PLPPR1: variants seen among roughly 807,000 people sequenced by gnomAD.
PLPPR1 encodes phospholipid phosphatase-related protein type 1.
PLPPR1 carries 10 observed loss-of-function variants against 33.1 expected under a neutral mutation model. That is an observed-to-expected ratio of 0.30 (90% CI 0.19 to 0.51). The LOEUF (loss-of-function observed/expected upper bound fraction) is 0.51, where lower values mean the gene tolerates loss of function less well. Ranked by LOEUF, PLPPR1 falls within the 20% of genes least tolerant of loss-of-function variation. PLPPR1 has a pLI of 0.97. For missense variants in PLPPR1, 304 were observed against 408.1 expected, an observed-to-expected ratio of 0.74 and a Z score of 2.20; for synonymous variants, 151 against 151.0, an observed-to-expected ratio of 1.00 and a Z score of 0.00.
intron 1 of PLPPR1, among the ~76,000 whole-genome samples, chr9:101,147,090 A>AT (rs889770444): frequency 9.8e-5 from 15 of 152,288 alleles, no homozygotes; most frequent in African/African-American, 3.4e-4. Flanking sequence ...TAACTTCCCT[A>AT]CAAAAGAGGT....
In PLPPR1 at chr9:101,317,033, A is replaced by C. The variant is rs376519424; in HGVS notation, c.814-332A>C. On this transcript the variant is annotated intron_variant, in intron 6 of 7. Coordinates refer to ENST00000374874, the MANE Select transcript of PLPPR1 (RefSeq NM_207299.2). ...GATAAAATCCTCAGGGTCGTGCCAG[A>C]CACATAGTGGCCCTCAATAAATTTT... 2.2e-4 allele frequency among the ~76,000 whole-genome samples: 33 copies of C among 152,292 alleles called. No individual in the cohort carries two copies. The South Asian group carries it at 2.3e-3, about 11-fold the overall frequency.
At chr9:101,238,121 GTA>G (rs1026861075) in intron 2 of PLPPR1, among the ~76,000 whole-genome samples, 2 of 134,510 alleles carry the variant, frequency 1.5e-5, no homozygotes, top group Admixed American at 1.5e-4. Flanking sequence ...ATACGTGTGT[GTA>G]TATATATACA....
chr9:101,097,511 G>A (rs1830834297), intron 1 of PLPPR1, among the ~76,000 whole-genome samples: 1 of 152,212 alleles, frequency 6.6e-6, no homozygotes, highest in South Asian at 2.1e-4. Flanking sequence ...GAACAAGCAT[G>A]TTTAAAATCT....
intron 1 of PLPPR1, among the ~76,000 whole-genome samples, chr9:101,171,059 G>C (rs1008077315): frequency 6.6e-6 from 1 of 152,176 alleles, no homozygotes; most frequent in Admixed American, 6.6e-5. Flanking sequence ...CCCCAAGACA[G>C]CAATGACTGT....
intron 2 of PLPPR1, among the ~76,000 whole-genome samples, chr9:101,268,256 T>TA (rs925412255): frequency 4.5e-5 from 6 of 132,636 alleles, no homozygotes; most frequent in East Asian, 2.1e-4. Context: ...AAAATATACA[T>TA]AAAAAAAATA....
intron 4 of PLPPR1, among the ~76,000 whole-genome samples, chr9:101,292,442 G>A (rs1225987286): frequency 1.3e-5 from 2 of 152,134 alleles, no homozygotes; most frequent in East Asian, 3.9e-4. Context: ...TACAGAGAAT[G>A]CCACAAACAT....
chr9:101,291,943 A>C (rs1828517248), intron 4 of PLPPR1, among the ~76,000 whole-genome samples: 1 of 152,226 alleles, frequency 6.6e-6, no homozygotes, highest in Admixed American at 6.5e-5. Context: ...TGGATGGAGA[A>C]TGACTTTGAC....
At chr9:101,031,067 C>G (rs1206802656) in intron 1 of PLPPR1, among the ~76,000 whole-genome samples, 3 of 151,898 alleles carry the variant, frequency 2.0e-5, no homozygotes, top group Admixed American at 2.0e-4. Flanking sequence ...TTTCAAATAA[C>G]TAGGGAAGTA....
chr9:101,149,401 T>G (rs2118646931), intron 1 of PLPPR1, among the ~76,000 whole-genome samples: 1 of 152,282 alleles, frequency 6.6e-6, no homozygotes, highest in South Asian at 2.1e-4. Flanking sequence ...CTATGAGGAC[T>G]CCAGAACTCT....
intron 1 of PLPPR1, among the ~76,000 whole-genome samples, chr9:101,126,811 A>G (rs906446041): frequency 3.9e-5 from 6 of 152,132 alleles, no homozygotes; most frequent in Admixed American, 1.3e-4. Context: ...TTAGTTGTGT[A>G]TGCTCATCCT....
At chr9:101,322,580 TA>T (rs1399506626) in intron 7 of PLPPR1, 1 of 152,100 alleles carries the variant, frequency 6.6e-6, no homozygotes, top group African/African-American at 2.4e-5. Context: ...AACTCAGAAA[TA>T]ACCTTGTAAA....
intron 2 of PLPPR1, among the ~76,000 whole-genome samples, chr9:101,245,260 A>G (rs1406840621): frequency 6.6e-6 from 1 of 152,004 alleles, no homozygotes; most frequent in Non-Finnish European, 1.5e-5. Flanking sequence ...AAAGAGCTCA[A>G]TTTAAACAAT....
intron 1 of PLPPR1, chr9:101,125,473 A>G (rs949376587): frequency 6.6e-6 from 2 of 304,862 alleles, no homozygotes; most frequent in Admixed American, 7.9e-5. Flanking sequence ...GGTAGAGCTC[A>G]GAAATCCATG....
intron 1 of PLPPR1, among the ~76,000 whole-genome samples, chr9:101,078,387 C>T (rs1191212997): frequency 6.6e-6 from 1 of 151,972 alleles, no homozygotes; most frequent in Admixed American, 6.5e-5. Context: ...TTTAGGAAAT[C>T]TTTCTGTGTG....
At chr9:101,056,609 A>C (rs1830281347) in intron 1 of PLPPR1, among the ~76,000 whole-genome samples, 1 of 152,176 alleles carries the variant, frequency 6.6e-6, no homozygotes, top group Non-Finnish European at 1.5e-5. Context: ...AATATTATGA[A>C]AATGCAAGAC....
At chr9:101,029,519 G>A (rs1208177970) in intron 1 of PLPPR1, among the ~76,000 whole-genome samples, 2 of 152,184 alleles carry the variant, frequency 1.3e-5, no homozygotes, top group Non-Finnish European at 2.9e-5. Flanking sequence ...TCCCACCCGG[G>A]CGGGGGTTGA....
intron 1 of PLPPR1, among the ~76,000 whole-genome samples, chr9:101,051,427 C>T (rs994975129): frequency 6.6e-6 from 1 of 152,070 alleles, no homozygotes; most frequent in African/African-American, 2.4e-5. Context: ...AATAGTAAGC[C>T]CCAGACTTTC....
At chr9:101,228,323 G>A (rs192593071) in intron 2 of PLPPR1, among the ~76,000 whole-genome samples, 23 of 152,230 alleles carry the variant, frequency 1.5e-4, no homozygotes, top group Admixed American at 1.2e-3. Flanking sequence ...AATGCTCCTC[G>A]TACACAGTAG....
chr9:101,294,628 G>T (rs1385185596), intron 4 of PLPPR1, among the ~76,000 whole-genome samples: 1 of 151,738 alleles, frequency 6.6e-6, no homozygotes. Flanking sequence ...TTCATCCCTG[G>T]GATGCAAGGC....
Sources: allele counts gnomAD v4.1 joint callset (sites outside exome capture counted in the v4.1 genomes callset), GRCh38; gene constraint gnomAD v4.1.1; transcripts MANE v1.5; gene names NCBI Gene and HGNC (gene_info 2026-07-23, HGNC 2026-07-21).